The following TOLLIP variants were observed in gnomAD, a reference collection of about 807,000 sequenced individuals.
TOLLIP encodes toll-interacting protein.
Under a neutral mutation model 33.5 loss-of-function variants are expected in TOLLIP, and 16 were observed. That is an observed-to-expected ratio of 0.48 (90% confidence interval 0.32 to 0.72). The LOEUF (loss-of-function observed/expected upper bound fraction) is 0.72, where lower values mean the gene tolerates loss of function less well. TOLLIP is among the 30% of genes least tolerant of loss of function. TOLLIP has a pLI of 0.03. For missense variants in TOLLIP, 325 were observed against 396.6 expected (o/e 0.82, Z 1.53); for synonymous variants, 176 against 163.7 (o/e 1.07, Z -0.57).
At position 1,290,023 on chromosome 11, in the gene TOLLIP, G is replaced by T. The variant is rs754283499; in HGVS notation, c.366+204C>A. 8 of 585,328 alleles carry T rather than the reference G, an allele frequency of 1.4e-5. No homozygotes were observed. The highest frequency in any genetic ancestry group is 4.2e-5 in the South Asian group (2 of 47,526). The allele number at this position is 585,328 out of a possible 1,614,324, so 36.3% of individuals were successfully genotyped here. A position where few individuals can be genotyped will look rare whatever the true frequency, so the allele number is the denominator to read the frequency against. On this transcript the variant is annotated intron_variant, in intron 3 of 5. Coordinates refer to ENST00000317204, the MANE Select transcript of TOLLIP (RefSeq NM_019009.4). The surrounding 1 kb of genome is among the most constrained non-coding windows in gnomAD (Gnocchi z 4.9). Reference sequence around the variant, plus strand: ...CTTGTCACTGGGGATGTTTCCAAATGTAAGTATGTTCAAGGAGCTGGAAAC... The same window carrying T: ...CTTGTCACTGGGGATGTTTCCAAATTTAAGTATGTTCAAGGAGCTGGAAAC...
chr11:1,291,951 C>G (rs1863968045), intron 2 of TOLLIP: 1 of 152,714 alleles, frequency 6.5e-6, no homozygotes, highest in African/African-American at 2.4e-5. Flanking sequence ...GCCAGGTCCT[C>G]TGTTTTCTAT....
intron 1 of TOLLIP, among the ~76,000 whole-genome samples, chr11:1,308,062 G>C (rs1864465208): frequency 6.6e-6 from 1 of 152,198 alleles, no homozygotes; most frequent in Non-Finnish European, 1.5e-5. Flanking sequence ...TTCCACCCAC[G>C]GCATGTTCAG....
chr11:1,296,425 G>C (rs886779569), intron 1 of TOLLIP, among the ~76,000 whole-genome samples: 3 of 152,234 alleles, frequency 2.0e-5, no homozygotes, highest in African/African-American at 7.2e-5. Flanking sequence ...GGCCCAGGCA[G>C]GACAATGCCA....
chr11:1,309,433 C>A, intron 1 of TOLLIP, 33 bp downstream of exon 1: 1 of 1,248,198 alleles, frequency 8.0e-7, no homozygotes, highest in Non-Finnish European at 1.0e-6. Flanking sequence ...CGCAGGTCAC[C>A]GCCCCCGCCC....
intron 1 of TOLLIP, chr11:1,302,828 C>T (rs1864322243): frequency 1.0e-6 from 1 of 981,556 alleles, no homozygotes; most frequent in African/African-American, 1.7e-5. Context: ...GTTCCCACAT[C>T]CTCCTCCCAC....
rs999300636 is a variant in TOLLIP at position 1,275,244 on chromosome 11, G to A, written c.*1795C>T. On this transcript the variant is annotated 3_prime_UTR_variant, in exon 6 of 6. Transcript: ENST00000317204. ...CACAGAGCCACATGTGCACGCGTGT[G>A]GCAGTCTCACTGCACCCCAGCAACG... 22 of 152,208 alleles carry A rather than the reference G, an allele frequency of 1.4e-4. No homozygotes were observed. Among genetic ancestry groups the A allele is most frequent in the African/African-American group, 5.3e-4 (22 of 41,440 alleles). 9.4% of individuals were successfully genotyped at this position (152,208 alleles called of 1,614,324 possible).
At chr11:1,285,249 A>G (rs1863650416) in intron 5 of TOLLIP, among the ~76,000 whole-genome samples, 1 of 152,200 alleles carries the variant, frequency 6.6e-6, no homozygotes, top group Non-Finnish European at 1.5e-5. Flanking sequence ...CAGAGGGACC[A>G]GTGCTCTGCC....
intron 4 of TOLLIP, among the ~76,000 whole-genome samples, chr11:1,286,485 T>G (rs1347101805): frequency 6.6e-6 from 1 of 152,182 alleles, no homozygotes; most frequent in African/African-American, 2.4e-5. Context: ...CTGTCAACTC[T>G]GAGTTCAAAA....
chr11:1,287,832 TCCCCGCCGCAGC>T (rs1863790259), intron 4 of TOLLIP, among the ~76,000 whole-genome samples: 1 of 124,234 alleles, frequency 8.0e-6, no homozygotes, highest in Non-Finnish European at 1.7e-5. Flanking sequence ...CGCCGCACCC[TCCCCGCCGCAGC>T]CTCCCTGCCG....
rs528141153 is a variant in TOLLIP at position 1,288,230 on chromosome 11, T to C, written c.519+394A>G. ...AATGCCTGCCCTGTGGGGAGGAGCC[T>C]GGTGTCCTGCAGGGCCCAGGGCTGT... On this transcript the variant is annotated intron_variant, in intron 4 of 5. Transcript: ENST00000317204. Among the ~76,000 whole-genome samples the C allele has an allele frequency of 7.9e-5, 12 of 152,296 alleles. No homozygotes were observed. The East Asian group carries it at 2.1e-3, about 27-fold the overall frequency.
At chr11:1,294,220 C>T (rs1201311096) in intron 2 of TOLLIP, among the ~76,000 whole-genome samples, 1 of 141,104 alleles carries the variant, frequency 7.1e-6, no homozygotes, top group Non-Finnish European at 1.5e-5. Context: ...CAGTGTGTCT[C>T]CTTTCCCTGC....
In TOLLIP at chr11:1,293,198, C is replaced by G. The variant is rs577986037; in HGVS notation, c.183+2447G>C. ...AGCTTCCAGAGTGTGGGGCAGCCAC[C>G]TGCGGACACGGGGGAGAAGCCGGGA... On this transcript the variant is annotated intron_variant, in intron 2 of 5. Transcript: ENST00000317204. Among the ~76,000 whole-genome samples, 11 of 152,354 alleles carry G rather than the reference C, an allele frequency of 7.2e-5. 1 individual carries two copies. The South Asian group carries it at 2.3e-3, about 32-fold the overall frequency.
chr11:1,293,885 G>GA (rs1864027242), intron 2 of TOLLIP, among the ~76,000 whole-genome samples: 1 of 152,220 alleles, frequency 6.6e-6, no homozygotes, highest in Non-Finnish European at 1.5e-5. Flanking sequence ...GTGGGCAGAG[G>GA]GATCGGCCAC....
At position 1,277,086 on chromosome 11, in the gene TOLLIP, T is replaced by C. The variant is rs775972833; in HGVS notation, c.778A>G (p.Lys260Glu). The C allele has an allele frequency of 5.0e-6, 8 of 1,614,084 alleles. No homozygotes were observed. Among genetic ancestry groups the C allele is most frequent in the Non-Finnish European group, 6.8e-6 (8 of 1,180,006 alleles). The change falls in exon 6 of 6, where the codon AAG becomes GAG. Residue 260 changes from lysine to glutamate, a missense_variant. Lys to Glu is a moderately conservative substitution (Grantham distance 56). Coordinates refer to ENST00000317204, the MANE Select transcript of TOLLIP (RefSeq NM_019009.4). This position sits in a 1 kb window ranked among gnomAD's most constrained non-coding sequence, Gnocchi z 4.2. ...AGCAGGGAGTTGATGGCGGCATCCT[T>C]GTTCCCTCGCTGGGCTTCCAGCACG... ...RSVLEAQRGN[K>E]DAAINSLLQM...
intron 1 of TOLLIP, among the ~76,000 whole-genome samples, chr11:1,308,834 C>CCATAAGGGTGCCGGGA (rs1554948738): frequency 2.7e-5 from 4 of 146,984 alleles, no homozygotes; most frequent in Non-Finnish European, 6.1e-5. Context: ...AGAGTGCAGG[C>CCATAAGGGTGCCGGGA]CCGCCTCCAC....
intron 1 of TOLLIP, among the ~76,000 whole-genome samples, chr11:1,302,181 C>A (rs551139886): frequency 9.8e-5 from 15 of 152,366 alleles, no homozygotes; most frequent in South Asian, 8.3e-4. Flanking sequence ...CCCATCCACC[C>A]GATGCCCGCA....
intron 1 of TOLLIP, among the ~76,000 whole-genome samples, chr11:1,301,057 T>G (rs188794338): frequency 4.0e-4 from 61 of 152,380 alleles, no homozygotes; most frequent in Admixed American, 7.2e-4. Context: ...GAAGTTCAAT[T>G]AAAAACTAAA....
At chr11:1,279,635 C>T (rs964925451) in intron 5 of TOLLIP, among the ~76,000 whole-genome samples, 4 of 152,358 alleles carry the variant, frequency 2.6e-5, no homozygotes, top group South Asian at 2.1e-4. Flanking sequence ...CCTGCACGCA[C>T]GCGGACGGAT....
At position 1,274,833 on chromosome 11, in the gene TOLLIP, TGAC is replaced by T. The variant is rs1479823134; in HGVS notation, c.*2203_*2205del. 2.0e-5 allele frequency: 3 copies of T among 149,874 alleles called. No homozygotes were observed. The highest frequency in any genetic ancestry group is 2.5e-5 in the African/African-American group (1 of 40,460). The allele number at this position is 149,874 out of a possible 1,614,324, so 9.3% of individuals were successfully genotyped here. On this transcript the variant is annotated 3_prime_UTR_variant, in exon 6 of 6. Coordinates refer to ENST00000317204, the MANE Select transcript of TOLLIP (RefSeq NM_019009.4). ...GCAGACAAGCCTGTCCTTCTGAGTG[TGAC>T]GACCTCATCCACACCTGACACAGGC...
Sources: gnomAD v4.1 joint callset for allele counts (sites outside exome capture counted in the v4.1 genomes callset) on GRCh38, gnomAD v4.1.1 for gene constraint, Gnocchi (gnomAD v3.1) non-coding constraint, MANE v1.5 for transcripts, NCBI Gene and HGNC (gene_info 2026-07-23, HGNC 2026-07-21) for gene names.